TNFRSF13B: variants seen among roughly 807,000 people sequenced by gnomAD.
TNFRSF13B encodes TNF receptor superfamily member 13B, also known as tumor necrosis factor receptor superfamily member 13B.
A neutral mutation model predicts 24.0 loss-of-function variants in TNFRSF13B; 34 were observed. The observed-to-expected ratio is 1.41, with a 90% CI of 1.08 to 1.88. TNFRSF13B has a LOEUF of 1.88. TNFRSF13B is among the 40% of genes most tolerant of loss of function. The pLI, the probability that TNFRSF13B is intolerant of heterozygous loss-of-function variation, is 0.00. For synonymous variants in TNFRSF13B, 173 were observed against 150.3 expected, an observed-to-expected ratio of 1.15 and a Z score of -1.10; for missense variants, 415 against 380.8, an observed-to-expected ratio of 1.09 and a Z score of -0.75.
chr17:16,952,546 G>A lies in TNFRSF13B; in HGVS notation c.99C>T (p.Ser33=). 6.2e-7 allele frequency: 1 copy of A among 1,614,234 alleles called. No homozygotes were observed. Residue 33 remains serine (S), a synonymous_variant, in exon 2 of 5, where the codon TCC becomes TCT. Transcript: ENST00000261652. ...GATCCCAGTACTGCTCTTCGGGGCAGGATCTCATAGCCACCCCCGTCCACA... is the reference window on the plus strand; with the variant it reads ...GATCCCAGTACTGCTCTTCGGGGCAAGATCTCATAGCCACCCCCGTCCACA... ...QGLWTGVAMR[S]CPEEQYWDPL...
intron 1 of TNFRSF13B, among the ~76,000 whole-genome samples, chr17:16,964,274 C>G (rs549943079): frequency 1.3e-5 from 2 of 151,732 alleles, no homozygotes; most frequent in East Asian, 3.9e-4. Flanking sequence ...CCTGCCTGCT[C>G]CCACCTCCAC....
rs1205400010 is a variant in TNFRSF13B at position 16,952,686 on chromosome 17, C to A, written c.62-103G>T. On this transcript the variant is annotated intron_variant, in intron 1 of 4. Transcript: ENST00000261652. ...CCTCTCCTGCCCACATTCGCACAGA[C>A]AACCTTTCTGTCTGAGGAGCAGAGA... The A allele has an allele frequency of 2.6e-6, 4 of 1,548,180 alleles. No individual in the cohort carries two copies. The African/African-American group carries it at 4.1e-5, about 16-fold the overall frequency.
chr17:16,942,403 A>C (rs951994544), intron 3 of TNFRSF13B, among the ~76,000 whole-genome samples: 5 of 151,808 alleles, frequency 3.3e-5, no homozygotes, highest in Admixed American at 1.3e-4. Context: ...AGCTGCCAGG[A>C]CTCTTAGGGG....
chr17:16,959,338 G>A (rs1168056115), intron 1 of TNFRSF13B, among the ~76,000 whole-genome samples: 1 of 151,624 alleles, frequency 6.6e-6, no homozygotes, highest in Admixed American at 6.6e-5. Flanking sequence ...ATGCAAAGAG[G>A]GAAATTCATG....
chr17:16,941,568 C>G (rs1194298240), intron 3 of TNFRSF13B: 3 of 987,530 alleles, frequency 3.0e-6, no homozygotes, highest in East Asian at 2.3e-4. Flanking sequence ...TACAGCACCC[C>G]CTTCATCTTC....
intron 1 of TNFRSF13B, among the ~76,000 whole-genome samples, chr17:16,955,414 A>G (rs2087617846): frequency 6.6e-6 from 1 of 152,274 alleles, no homozygotes; most frequent in Non-Finnish European, 1.5e-5. Flanking sequence ...GGACGTTCGT[A>G]GAACAAATGA....
rs1026967876 is a variant in TNFRSF13B, at chr17:16,949,048, A to G, written c.200-65T>C. On this transcript the variant is annotated intron_variant, in intron 2 of 4. Transcript: ENST00000261652. ...ACTAGCAGGAACTCTGGGTTTGACC[A>G]CAAAGGACATCAAAGTTAAAAAAAA... 11 of 1,606,440 alleles carry G rather than the reference A, an allele frequency of 6.8e-6. No homozygotes were observed. In the African/African-American group the frequency reaches 8.0e-5, roughly 12 times the overall value.
At chr17:16,965,502 G>A (rs1408523007) in intron 1 of TNFRSF13B, among the ~76,000 whole-genome samples, 6 of 152,220 alleles carry the variant, frequency 3.9e-5, no homozygotes, top group African/African-American at 1.4e-4. Flanking sequence ...CTAATCAGTA[G>A]CTGGATATAG....
At chr17:16,962,585 T>A (rs1385885484) in intron 1 of TNFRSF13B, among the ~76,000 whole-genome samples, 1 of 152,006 alleles carries the variant, frequency 6.6e-6, no homozygotes, top group Non-Finnish European at 1.5e-5. Context: ...AGCTCAGCTG[T>A]GGGCAATATT....
rs529898496 is a variant in TNFRSF13B, at chr17:16,941,120, T to C, written c.446-609A>G. The C allele has an allele frequency of 3.0e-5, 21 of 697,756 alleles. No homozygotes were observed. The East Asian group carries it at 2.8e-3, about 91-fold the overall frequency. 43.2% of individuals were successfully genotyped at this position (697,756 alleles called of 1,614,324 possible). On this transcript the variant is annotated intron_variant, in intron 3 of 4. Coordinates refer to ENST00000261652, the MANE Select transcript of TNFRSF13B (RefSeq NM_012452.3). ...GTAGAAGGGTGTTATACTGTATTGT[T>C]TAGGGATAACAATGAGAAAAAATGG...
chr17:16,940,017 C>A (rs1051764468), intron 4 of TNFRSF13B: 2 of 956,972 alleles, frequency 2.1e-6, no homozygotes, highest in Non-Finnish European at 3.0e-6. Context: ...TGTCCAGCAC[C>A]GAGCCTGCCA....
At chr17:16,962,571 C>T (rs960291134) in intron 1 of TNFRSF13B, among the ~76,000 whole-genome samples, 1 of 151,626 alleles carries the variant, frequency 6.6e-6, no homozygotes. Context: ...AGGACATGTA[C>T]AGCAGCTCAG....
At chr17:16,968,938 C>T (rs1358465217) in intron 1 of TNFRSF13B, among the ~76,000 whole-genome samples, 1 of 152,132 alleles carries the variant, frequency 6.6e-6, no homozygotes, top group East Asian at 1.9e-4. Context: ...TAAAGAAGCA[C>T]ATGAAAAGAT....
intron 1 of TNFRSF13B, among the ~76,000 whole-genome samples, chr17:16,956,213 G>C (rs549152580): frequency 6.6e-6 from 1 of 152,280 alleles, no homozygotes; most frequent in South Asian, 2.1e-4. Flanking sequence ...AAAATACATA[G>C]CTTAAAACTA....
At chr17:16,953,703 A>G (rs887586468) in intron 1 of TNFRSF13B, among the ~76,000 whole-genome samples, 4 of 152,114 alleles carry the variant, frequency 2.6e-5, no homozygotes, top group African/African-American at 9.7e-5. Flanking sequence ...TTCTGATTTC[A>G]TGACATTTGC....
intron 1 of TNFRSF13B, among the ~76,000 whole-genome samples, chr17:16,965,630 T>G (rs1218850159): frequency 3.9e-5 from 6 of 152,104 alleles, no homozygotes; most frequent in African/African-American, 1.4e-4. Context: ...TGCCTGCATC[T>G]CCTCCATCCA....
chr17:16,949,846 C>A (rs959253577), intron 2 of TNFRSF13B, among the ~76,000 whole-genome samples: 1 of 151,984 alleles, frequency 6.6e-6, no homozygotes, highest in East Asian at 1.9e-4. Context: ...CCACAACACC[C>A]GGCTAATTTT....
Position 16,940,137 on chromosome 17 carries a change from G to A in TNFRSF13B, c.631+189C>T, listed in dbSNP as rs967004974. The A allele has an allele frequency of 1.9e-5, 27 of 1,427,916 alleles. No individual in the cohort carries two copies. In the African/African-American group the frequency reaches 2.1e-4, roughly 11 times the overall value. 88.5% of individuals were successfully genotyped at this position (1,427,916 alleles called of 1,614,324 possible). A position where few individuals can be genotyped will look rare whatever the true frequency, so the allele number is the denominator to read the frequency against. ...CCGGCACCCCACACCCACCCTTCCC[G>A]GGTGCCACTCTCCCAGTTATCTGTC... On this transcript the variant is annotated intron_variant, in intron 4 of 4. Transcript: ENST00000261652.
At chr17:16,946,581 T>TTTTTA (rs1427483925) in intron 3 of TNFRSF13B, among the ~76,000 whole-genome samples, 2 of 144,724 alleles carry the variant, frequency 1.4e-5, no homozygotes, top group Non-Finnish European at 1.5e-5. Context: ...TTTATTTTTA[T>TTTTTA]TTATTTATTT....
Sources: allele counts gnomAD v4.1 joint callset (sites outside exome capture counted in the v4.1 genomes callset), GRCh38; gene constraint gnomAD v4.1.1; transcripts MANE v1.5; gene names NCBI Gene and HGNC (gene_info 2026-07-23, HGNC 2026-07-21).